Variants in SRGAP3 observed in about 807,000 individuals in gnomAD.
SRGAP3 encodes the protein SLIT-ROBO Rho GTPase activating protein 3, also known as SLIT-ROBO Rho GTPase-activating protein 3.
Under a neutral mutation model 121.1 loss-of-function variants are expected in SRGAP3, and 39 were observed. The ratio of observed to expected loss-of-function variants is 0.32; its 90% confidence interval spans 0.25 to 0.42. The LOEUF (loss-of-function observed/expected upper bound fraction) is 0.42. Ranked by LOEUF, SRGAP3 falls within the 10% of genes least tolerant of loss-of-function variation. The probability of loss-of-function intolerance (pLI) is 1.00; values close to 1 mark genes in which losing one functional copy is unlikely to be tolerated. For synonymous variants in SRGAP3, 601 were observed against 570.0 expected (o/e 1.05, Z -0.77); for missense variants, 1,213 against 1,470.6 (o/e 0.82, Z 2.86).
At chr3:9,072,299 C>T (rs1297343008) in intron 4 of SRGAP3, among the ~76,000 whole-genome samples, 1 of 152,218 alleles carries the variant, frequency 6.6e-6, no homozygotes, top group Non-Finnish European at 1.5e-5. Flanking sequence ...CTTCCTGATA[C>T]TCAGTAGATT....
chr3:9,209,683 C>T (rs970256799), intron 1 of SRGAP3, among the ~76,000 whole-genome samples: 3 of 152,124 alleles, frequency 2.0e-5, no homozygotes, highest in Non-Finnish European at 4.4e-5. Context: ...ACAAAGATGG[C>T]TGATAAAGCA....
intron 1 of SRGAP3, among the ~76,000 whole-genome samples, chr3:9,236,865 A>C (rs1364024950): frequency 6.6e-6 from 1 of 152,348 alleles, no homozygotes; most frequent in Non-Finnish European, 1.5e-5. Context: ...TATAGTTCCC[A>C]TTCTTATCTT....
chr3:9,339,536 G>A (rs1357886736), intron 1 of SRGAP3, among the ~76,000 whole-genome samples: 8 of 152,200 alleles, frequency 5.3e-5, no homozygotes, highest in African/African-American at 1.9e-4. Context: ...TGTGATATGT[G>A]ACTGTGGCAA....
At chr3:9,016,222 C>G (rs1320979891) in intron 14 of SRGAP3, among the ~76,000 whole-genome samples, 1 of 152,168 alleles carries the variant, frequency 6.6e-6, no homozygotes, top group Admixed American at 6.5e-5. Flanking sequence ...CCCATGGTGT[C>G]TTTTATAGAC....
chr3:9,314,881 C>CTTCA (rs112380810), intron 3 of SRGAP3, among the ~76,000 whole-genome samples: 2,896 of 152,338 alleles, frequency 0.019, 69 homozygotes, highest in East Asian at 0.08. Context: ...GATAACCAGA[C>CTTCA]TTCAGCTTCA....
At chr3:9,091,995 A>G (rs967080139) in intron 3 of SRGAP3, among the ~76,000 whole-genome samples, 8 of 152,116 alleles carry the variant, frequency 5.3e-5, no homozygotes, top group African/African-American at 1.9e-4. Context: ...GGTATATTGG[A>G]CTGCAAAGAA....
At chr3:9,333,887 T>C (rs1402227144) in intron 1 of SRGAP3, among the ~76,000 whole-genome samples, 1 of 152,022 alleles carries the variant, frequency 6.6e-6, no homozygotes, top group Non-Finnish European at 1.5e-5. Context: ...ATGCTGGGGA[T>C]AGAGGTCAAC....
chr3:8,988,123 C>T (rs539233648), intron 21 of SRGAP3, among the ~76,000 whole-genome samples: 2 of 152,144 alleles, frequency 1.3e-5, no homozygotes, highest in South Asian at 2.1e-4. Flanking sequence ...CGAGAGGTGG[C>T]GCTGTGAGTC....
At chr3:9,019,687 C>T (rs944057025) in intron 14 of SRGAP3, among the ~76,000 whole-genome samples, 1 of 152,236 alleles carries the variant, frequency 6.6e-6, no homozygotes, top group Non-Finnish European at 1.5e-5. Context: ...GCCTCCCTAG[C>T]CCCAACATGC....
At chr3:9,053,304 A>T in intron 8 of SRGAP3, 80 bp from the exon 9 acceptor site, 1 of 1,387,760 alleles carries the variant, frequency 7.2e-7, no homozygotes, top group East Asian at 2.4e-5. Context: ...CCCAGCTGTC[A>T]CTTTACTTCT....
At chr3:9,027,290 G>A (rs935244518) in intron 12 of SRGAP3, among the ~76,000 whole-genome samples, 1 of 152,206 alleles carries the variant, frequency 6.6e-6, no homozygotes, top group African/African-American at 2.4e-5. Flanking sequence ...GCAGTGGAGA[G>A]GGAACCACCT....
At chr3:9,259,723 G>C (rs1051429326) in intron 3 of SRGAP3, among the ~76,000 whole-genome samples, 2 of 152,084 alleles carry the variant, frequency 1.3e-5, no homozygotes, top group Non-Finnish European at 2.9e-5. Flanking sequence ...TACCTGCACT[G>C]TCCAATACGA....
At chr3:9,028,179 T>G in intron 12 of SRGAP3, 2 of 1,611,470 alleles carry the variant, frequency 1.2e-6, no homozygotes, top group Non-Finnish European at 1.7e-6. Context: ...AAAGAAAAGA[T>G]TATGCAGGAA....
At chr3:9,268,296 G>GTCTCTCTCTCTCTCTCTCTC (rs71626912) in intron 3 of SRGAP3, among the ~76,000 whole-genome samples, 24 of 147,678 alleles carry the variant, frequency 1.6e-4, no homozygotes, top group Admixed American at 5.4e-4. Flanking sequence ...AGAGAGAAGA[G>GTCTCTCTCTCTCTCTCTCTC]TCTCTCTCTC....
At chr3:9,064,894 G>A (rs1277864756) in intron 4 of SRGAP3, among the ~76,000 whole-genome samples, 1 of 144,700 alleles carries the variant, frequency 6.9e-6, no homozygotes, top group Non-Finnish European at 1.5e-5. Context: ...TAAATAAGGA[G>A]GAAATTTAAA....
At chr3:9,337,395 T>C (rs982741266) in intron 1 of SRGAP3, among the ~76,000 whole-genome samples, 4 of 152,210 alleles carry the variant, frequency 2.6e-5, no homozygotes, top group African/African-American at 7.2e-5. Flanking sequence ...TCCCAAATGC[T>C]ATGATTCAAA....
chr3:9,211,333 G>GA (rs895123916), intron 1 of SRGAP3, among the ~76,000 whole-genome samples: 17 of 151,904 alleles, frequency 1.1e-4, no homozygotes, highest in African/African-American at 3.4e-4. Flanking sequence ...CCGCAGCCTG[G>GA]AAAAAAAACA....
intron 18 of SRGAP3, among the ~76,000 whole-genome samples, chr3:8,997,756 T>G (rs1942493507): frequency 6.6e-6 from 1 of 152,406 alleles, no homozygotes; most frequent in South Asian, 2.1e-4. Context: ...CATTTTACGA[T>G]GCTAGATTTA....
intron 3 of SRGAP3, among the ~76,000 whole-genome samples, chr3:9,097,905 G>A (rs886855726): frequency 6.6e-6 from 1 of 152,146 alleles, no homozygotes; most frequent in South Asian, 2.1e-4. Flanking sequence ...ACCACAGTCC[G>A]ACTTCTCGGT....
Sources: allele counts gnomAD v4.1 joint callset (sites outside exome capture counted in the v4.1 genomes callset), GRCh38; gene constraint gnomAD v4.1.1; transcripts MANE v1.5; gene names NCBI Gene and HGNC (gene_info 2026-07-23, HGNC 2026-07-21).